Variants in SYT9 observed in about 807,000 individuals in gnomAD.
The protein encoded by SYT9 is synaptotagmin-9.
SYT9 carries 22 observed loss-of-function variants against 48.4 expected under a neutral mutation model. The ratio of observed to expected loss-of-function variants is 0.45; its 90% confidence interval spans 0.32 to 0.65. The LOEUF is 0.65. Among genes scored for constraint, SYT9 ranks in the 30% least tolerant of loss-of-function variants. The pLI, the probability that SYT9 is intolerant of heterozygous loss-of-function variation, is 0.03. For synonymous variants in SYT9, 265 were observed against 245.0 expected, an observed-to-expected ratio of 1.08 and a Z score of -0.76; for missense variants, 577 against 622.0, an observed-to-expected ratio of 0.93 and a Z score of 0.77.
chr11:7,415,560 G>C (rs2134096125), intron 3 of SYT9, among the ~76,000 whole-genome samples: 1 of 152,244 alleles, frequency 6.6e-6, no homozygotes, highest in Non-Finnish European at 1.5e-5. Context: ...GCATAGGGCT[G>C]TGTGCAGAGC....
intron 1 of SYT9, among the ~76,000 whole-genome samples, chr11:7,267,909 T>C (rs1848219496): frequency 6.6e-6 from 1 of 151,922 alleles, no homozygotes; most frequent in Non-Finnish European, 1.5e-5. Flanking sequence ...GAGGATTTAA[T>C]AACAGATACA....
intron 3 of SYT9, among the ~76,000 whole-genome samples, chr11:7,386,980 G>A (rs1264614190): frequency 6.6e-6 from 1 of 152,176 alleles, no homozygotes; most frequent in East Asian, 1.9e-4. Flanking sequence ...AAAAAATGAT[G>A]AGTTCATGTC....
Position 7,464,858 on chromosome 11 carries a change from G to A in SYT9, c.1468-1934G>A, listed in dbSNP as rs552254276. On this transcript the variant is annotated intron_variant, in intron 6 of 6. Coordinates refer to ENST00000318881, the MANE Select transcript of SYT9 (RefSeq NM_175733.4). ...AGTACTTTGGGAGGCCGAGGCGGGC[G>A]GATCACGAGGTCAGGAGATCAAGAC... 2.1e-3 allele frequency among the ~76,000 whole-genome samples: 319 copies of A among 152,130 alleles called. 2 individuals carry two copies. Among genetic ancestry groups the A allele is most frequent in the African/African-American group, 6.9e-3 (288 of 41,500 alleles).
chr11:7,249,021 T>C (rs1239672225), upstream of SYT9, among the ~76,000 whole-genome samples: 1 of 152,114 alleles, frequency 6.6e-6, no homozygotes, highest in African/African-American at 2.4e-5. Flanking sequence ...AACCCAGAAA[T>C]AAACCCAAAT....
Position 7,313,909 on chromosome 11 carries a change from A to T in SYT9, c.1012A>T (p.Ile338Phe). 2 of 1,613,694 alleles carry T rather than the reference A, an allele frequency of 1.2e-6. No individual in the cohort carries two copies. The highest frequency in any genetic ancestry group is 1.1e-5 in the South Asian group (1 of 91,016). Residue 338 changes from isoleucine (I) to phenylalanine (F), a missense_variant, in exon 3 of 7, where the codon ATC (isoleucine) becomes TTC (phenylalanine). Physicochemically the swap from Ile to Phe is conservative, Grantham distance 21 (BLOSUM62 0). Coordinates refer to ENST00000318881, the MANE Select transcript of SYT9 (RefSeq NM_175733.4). ...CTTGGCTGATTTCCCCAGGGAGTGC[A>T]TCCTTTGGAAGGATATCGAATATGT... Reference protein sequence around the residue: ...LDLADFPRECILWKDIEYVTN... With the variant: ...LDLADFPRECFLWKDIEYVTN...
At chr11:7,314,210 G>T in intron 3 of SYT9, 1 of 577,958 alleles carries the variant, frequency 1.7e-6, no homozygotes, top group Non-Finnish European at 3.3e-6. Context: ...CTAAGAGACA[G>T]CAGGTGTTAT....
chr11:7,417,583 C>T (rs77883034), intron 4 of SYT9, among the ~76,000 whole-genome samples: 1,894 of 152,278 alleles, frequency 0.012, 56 homozygotes, highest in African/African-American at 0.043. Context: ...AAAAGATTCC[C>T]TGAGGTGGCT....
chr11:7,331,509 A>G (rs1810156275), intron 3 of SYT9, among the ~76,000 whole-genome samples: 1 of 152,066 alleles, frequency 6.6e-6, no homozygotes, highest in South Asian at 2.1e-4. Context: ...GAGGAATTTG[A>G]GACTAGCCTG....
chr11:7,291,019 C>CA lies in SYT9; in HGVS notation c.146-12012dup, dbSNP rs201899769. 9.2e-4 allele frequency among the ~76,000 whole-genome samples: 139 copies of CA among 151,604 alleles called. 1 individual carries two copies. Among genetic ancestry groups the CA allele is most frequent in the Admixed American group, 1.1e-3 (16 of 15,238 alleles). On this transcript the variant is annotated intron_variant, in intron 1 of 6. Coordinates refer to ENST00000318881, the MANE Select transcript of SYT9 (RefSeq NM_175733.4). ...TGCTATCCACAGGCCTGAAAGAACC[C>CA]AAAAAAAAGAGCTGTGGCTTTTAGT... is the stretch of plus-strand genomic sequence containing the variant.
upstream of SYT9, among the ~76,000 whole-genome samples, chr11:7,248,667 T>C (rs1847823483): frequency 6.6e-6 from 1 of 152,008 alleles, no homozygotes; most frequent in South Asian, 2.1e-4. Flanking sequence ...AAAACACTGC[T>C]GAAAGAGATC....
At chr11:7,269,685 G>T (rs935830835) in intron 1 of SYT9, among the ~76,000 whole-genome samples, 3 of 152,078 alleles carry the variant, frequency 2.0e-5, no homozygotes, top group Admixed American at 6.6e-5. Flanking sequence ...AACCTTTCTC[G>T]AAGTCCCACT....
rs773175125 is a variant in SYT9 at position 7,313,823 on chromosome 11, A to T, written c.926A>T (p.Asp309Val). ...EARKLHFSVYDFDRFSRHDLI... is the reference protein window; with the variant it reads ...EARKLHFSVYVFDRFSRHDLI... Reference sequence around the variant, plus strand: ...CGGAAGCTTCACTTCTCTGTGTACGACTTTGACAGGTTCTCTCGTCATGAC... The same window carrying T: ...CGGAAGCTTCACTTCTCTGTGTACGTCTTTGACAGGTTCTCTCGTCATGAC... The change falls in exon 3 of 7, where the codon GAC becomes GTC. Residue 309 changes from aspartate (D) to valine (V), a missense_variant. Asp to Val is a radical substitution (Grantham distance 152). Transcript: ENST00000318881. 1 of 1,614,198 alleles carries T rather than the reference A, an allele frequency of 6.2e-7. No homozygotes were observed. The highest frequency in any genetic ancestry group is 1.1e-5 in the South Asian group (1 of 91,082).
rs187076052 is a variant in SYT9, at chr11:7,308,164, A to G, written c.497+4774A>G. Among the ~76,000 whole-genome samples the G allele has an allele frequency of 1.0e-3, 155 of 152,324 alleles. 1 individual carries two copies. Among genetic ancestry groups the G allele is most frequent in the African/African-American group, 3.5e-3 (146 of 41,568 alleles). ...CACCAGGGGAGTTTTGAAGAAAAAC[A>G]TCCTGTCTCCACCATTTCCATAATT... is the stretch of plus-strand genomic sequence containing the variant. On this transcript the variant is annotated intron_variant, in intron 2 of 6. Coordinates refer to ENST00000318881, the MANE Select transcript of SYT9 (RefSeq NM_175733.4).
intron 1 of SYT9, among the ~76,000 whole-genome samples, chr11:7,270,510 CA>C (rs1054692578): frequency 2.6e-5 from 4 of 152,060 alleles, no homozygotes; most frequent in African/African-American, 9.7e-5. Context: ...AAATGCTAAT[CA>C]GTGAATTTCA....
chr11:7,256,510 G>A (rs1437311835), intron 1 of SYT9, among the ~76,000 whole-genome samples: 2 of 152,166 alleles, frequency 1.3e-5, no homozygotes, highest in Admixed American at 1.3e-4. Flanking sequence ...TTTAAAAGAA[G>A]AATTGGGTCT....
Position 7,313,824 on chromosome 11 carries a change from C to CT in SYT9, c.930dup (p.Asp311Ter). ...GGAAGCTTCACTTCTCTGTGTACGA[C>CT]TTTGACAGGTTCTCTCGTCATGACT... is the stretch of plus-strand genomic sequence containing the variant. On this transcript the variant is annotated frameshift_variant, in exon 3 of 7. Coordinates refer to ENST00000318881, the MANE Select transcript of SYT9 (RefSeq NM_175733.4). LOFTEE classifies it high-confidence loss of function. The CT allele has an allele frequency of 1.2e-6, 2 of 1,614,234 alleles. No homozygotes were observed. Among genetic ancestry groups the CT allele is most frequent in the Non-Finnish European group, 1.7e-6 (2 of 1,180,030 alleles).
chr11:7,371,724 C>T (rs1018771181), intron 3 of SYT9, among the ~76,000 whole-genome samples: 2 of 152,146 alleles, frequency 1.3e-5, no homozygotes, highest in African/African-American at 4.8e-5. Context: ...ACTTCTATCA[C>T]TGTGATTTCC....
chr11:7,321,527 G>C (rs1342232970), intron 3 of SYT9, among the ~76,000 whole-genome samples: 1 of 152,132 alleles, frequency 6.6e-6, no homozygotes, highest in Non-Finnish European at 1.5e-5. Flanking sequence ...TTATATTGAT[G>C]CAACACAAGT....
chr11:7,405,495 C>A (rs1846990952), intron 3 of SYT9, among the ~76,000 whole-genome samples: 1 of 152,190 alleles, frequency 6.6e-6, no homozygotes, highest in Admixed American at 6.5e-5. Context: ...GCATCAGATG[C>A]CAATGAACTC....
Sources: gnomAD v4.1 joint callset for allele counts (sites outside exome capture counted in the v4.1 genomes callset) on GRCh38, gnomAD v4.1.1 for gene constraint, MANE v1.5 for transcripts, NCBI Gene and HGNC (gene_info 2026-07-23, HGNC 2026-07-21) for gene names.